Variants in WWOX observed in about 807,000 individuals in gnomAD.
The protein encoded by WWOX is WW domain-containing oxidoreductase.
WWOX carries 69 observed loss-of-function variants against 46.2 expected under a neutral mutation model. The ratio of observed to expected loss-of-function variants is 1.49; its 90% CI spans 1.23 to 1.82. The LOEUF is 1.82. WWOX is among the 40% of genes most tolerant of loss of function. The probability of loss-of-function intolerance (pLI) is 0.00; values close to 1 mark genes in which losing one functional copy is unlikely to be tolerated. For synonymous variants in WWOX, 359 were observed against 202.6 expected (o/e 1.77, Z -6.56); for missense variants, 919 against 542.6 (o/e 1.69, Z -6.89).
chr16:78,695,980 G>C (rs956693191), intron 8 of WWOX, among the ~76,000 whole-genome samples: 2 of 152,152 alleles, frequency 1.3e-5, no homozygotes, highest in African/African-American at 4.8e-5. Context: ...CCCCGCCCCA[G>C]ACCTCCTGAA....
At chr16:78,592,214 T>A (rs970700562) in intron 8 of WWOX, among the ~76,000 whole-genome samples, 1 of 152,230 alleles carries the variant, frequency 6.6e-6, no homozygotes, top group African/African-American at 2.4e-5. Flanking sequence ...TGTTTTTGTT[T>A]TATTTTTTGT....
At chr16:78,787,537 T>C (rs2050487965) in intron 8 of WWOX, among the ~76,000 whole-genome samples, 1 of 152,240 alleles carries the variant, frequency 6.6e-6, no homozygotes, top group Admixed American at 6.5e-5. Context: ...GTTACATGGA[T>C]ATACCACTTT....
intron 8 of WWOX, among the ~76,000 whole-genome samples, chr16:78,769,606 C>T (rs1020078733): frequency 9.6e-5 from 14 of 145,926 alleles, no homozygotes; most frequent in African/African-American, 3.3e-4. Context: ...GTTACTCCAT[C>T]AGTCAGGATC....
At chr16:78,429,666 T>C (rs1356141821) in intron 7 of WWOX, among the ~76,000 whole-genome samples, 7 of 152,224 alleles carry the variant, frequency 4.6e-5, no homozygotes, top group African/African-American at 1.4e-4. Flanking sequence ...CCTTGGATCA[T>C]TGGATTCTCA....
chr16:79,054,601 C>G (rs915602089), intron 8 of WWOX, among the ~76,000 whole-genome samples: 2 of 152,230 alleles, frequency 1.3e-5, no homozygotes, highest in South Asian at 2.1e-4. Context: ...GTGGGAAGAT[C>G]CCTTGAGTCC....
chr16:78,813,486 T>G (rs556296192), intron 8 of WWOX, among the ~76,000 whole-genome samples: 79 of 152,242 alleles, frequency 5.2e-4, no homozygotes, highest in South Asian at 2.3e-3. Context: ...GGACACATAT[T>G]TTGTCCTGGT....
chr16:78,316,403 T>C (rs9923236), intron 5 of WWOX, among the ~76,000 whole-genome samples: 17,142 of 152,086 alleles, frequency 0.11, 1,041 homozygotes, highest in East Asian at 0.14. Flanking sequence ...TGCAATGGCG[T>C]GATCTTGGCT....
chr16:79,040,730 A>G (rs1159530877), intron 8 of WWOX, among the ~76,000 whole-genome samples: 2 of 152,108 alleles, frequency 1.3e-5, no homozygotes, highest in African/African-American at 2.4e-5. Flanking sequence ...CTAGAACCAC[A>G]GAGATCCCCC....
chr16:78,871,741 A>G (rs1427704300), intron 8 of WWOX, among the ~76,000 whole-genome samples: 1 of 152,176 alleles, frequency 6.6e-6, no homozygotes, highest in Admixed American at 6.5e-5. Context: ...CTGGGACTAC[A>G]GGCAGGCACC....
At chr16:78,687,622 G>A (rs373240342) in intron 8 of WWOX, among the ~76,000 whole-genome samples, 14 of 152,128 alleles carry the variant, frequency 9.2e-5, no homozygotes, top group Middle Eastern at 3.2e-3. Context: ...TAAGAGTAAT[G>A]GTTATCTATA....
intron 8 of WWOX, among the ~76,000 whole-genome samples, chr16:79,207,338 C>G (rs1006607890): frequency 2.0e-5 from 3 of 152,234 alleles, no homozygotes; most frequent in Non-Finnish European, 2.9e-5. Flanking sequence ...ATGTGTCTTT[C>G]CTTTTAGCCA....
chr16:78,347,000 C>G (rs1415227106), intron 5 of WWOX, among the ~76,000 whole-genome samples: 1 of 119,912 alleles, frequency 8.3e-6, no homozygotes, highest in East Asian at 1.9e-4. Context: ...GCTGGGATTA[C>G]AGGTGTGAGC....
intron 8 of WWOX, among the ~76,000 whole-genome samples, chr16:78,952,794 TA>T (rs2046088721): frequency 6.6e-6 from 1 of 152,184 alleles, no homozygotes; most frequent in Non-Finnish European, 1.5e-5. Context: ...GCAGAAGGCT[TA>T]GCTGTTAACA....
At chr16:79,039,390 TC>T (rs1252481748) in intron 8 of WWOX, among the ~76,000 whole-genome samples, 2 of 151,926 alleles carry the variant, frequency 1.3e-5, no homozygotes, top group African/African-American at 4.8e-5. Flanking sequence ...ACGACCCCCT[TC>T]CCCCATAGGA....
At chr16:78,849,386 A>G (rs1321963760) in intron 8 of WWOX, among the ~76,000 whole-genome samples, 1 of 151,042 alleles carries the variant, frequency 6.6e-6, no homozygotes, top group Non-Finnish European at 1.5e-5. Context: ...CCTGGCTAAC[A>G]CGGTGAAACC....
chr16:78,305,663 C>T (rs1311273683), intron 5 of WWOX, among the ~76,000 whole-genome samples: 1 of 151,984 alleles, frequency 6.6e-6, no homozygotes, highest in Admixed American at 6.6e-5. Flanking sequence ...AAGCCCCTTT[C>T]TTGTTTTGGT....
chr16:78,774,498 GTGTGTGTGTGT>G (rs2050140442), intron 8 of WWOX, among the ~76,000 whole-genome samples: 1 of 17,704 alleles, frequency 5.6e-5, no homozygotes, highest in African/African-American at 1.5e-4. Flanking sequence ...GACCCATTTT[GTGTGTGTGTGT>G]GTGTGTGTGT....
At chr16:78,403,006 T>C (rs1486248559) in intron 6 of WWOX, among the ~76,000 whole-genome samples, 1 of 152,194 alleles carries the variant, frequency 6.6e-6, no homozygotes, top group Non-Finnish European at 1.5e-5. Context: ...TTAATTTTTA[T>C]CATAACATGG....
intron 8 of WWOX, among the ~76,000 whole-genome samples, chr16:79,142,746 G>A (rs552976227): frequency 5.3e-5 from 8 of 152,058 alleles, no homozygotes; most frequent in South Asian, 2.1e-4. Flanking sequence ...TTCCCTAGGC[G>A]GGACTGCAGT....
Sources: gnomAD v4.1 joint callset for allele counts (sites outside exome capture counted in the v4.1 genomes callset) on GRCh38, gnomAD v4.1.1 for gene constraint, MANE v1.5 for transcripts, NCBI Gene and HGNC (gene_info 2026-07-23, HGNC 2026-07-21) for gene names.